Variants in ORC3 observed in about 807,000 individuals in gnomAD.
ORC3 encodes origin recognition complex subunit 3.
ORC3 carries 78 observed loss-of-function variants against 100.7 expected under a neutral mutation model. The observed-to-expected ratio is 0.77, with a 90% CI of 0.65 to 0.94. The LOEUF (loss-of-function observed/expected upper bound fraction) is 0.94, where lower values mean the gene tolerates loss of function less well. Ranked by LOEUF, ORC3 falls within the 40% of genes least tolerant of loss-of-function variation. The pLI, the probability that ORC3 is intolerant of heterozygous loss-of-function variation, is 0.00. For missense variants in ORC3, 789 were observed against 823.9 expected (o/e 0.96, Z 0.52); for synonymous variants, 295 against 289.3 (o/e 1.02, Z -0.20).
Position 87,605,996 on chromosome 6 carries a change from C to A in ORC3, c.402C>A (p.Val134=). The A allele has an allele frequency of 1.3e-6, 2 of 1,592,032 alleles. No individual in the cohort carries two copies. Among genetic ancestry groups the A allele is most frequent in the Non-Finnish European group, 1.7e-6 (2 of 1,163,982 alleles). ...AGAATAATGTCACACCATATGTAGT[C>A]TCATTGCAAGCTAAAGATTGTCCAG... ...ALQNNVTPYV[V]SLQAKDCPDM... is the part of the protein sequence containing the mutation. The change falls in exon 5 of 20, where the codon GTC becomes GTA. Residue 134 remains valine, a synonymous_variant. Coordinates refer to ENST00000392844, the MANE Select transcript of ORC3 (RefSeq NM_012381.4).
chr6:87,643,598 G>A (rs1768456996), intron 13 of ORC3, among the ~76,000 whole-genome samples: 1 of 152,136 alleles, frequency 6.6e-6, no homozygotes, highest in Non-Finnish European at 1.5e-5. Flanking sequence ...CAGAAAAAAA[G>A]ATCTGAATTT....
chr6:87,598,195 T>G (rs1398945389), intron 2 of ORC3, among the ~76,000 whole-genome samples: 2 of 152,002 alleles, frequency 1.3e-5, no homozygotes, highest in Non-Finnish European at 2.9e-5. Context: ...GCTAATTTAT[T>G]TATTTTTTTT....
intron 1 of ORC3, among the ~76,000 whole-genome samples, chr6:87,593,108 C>CA (rs1195461424): frequency 6.6e-6 from 1 of 151,552 alleles, no homozygotes; most frequent in African/African-American, 2.4e-5. Flanking sequence ...AACAAACAAA[C>CA]AAACAAAAAA....
intron 9 of ORC3, among the ~76,000 whole-genome samples, chr6:87,619,429 T>C (rs1398185816): frequency 6.6e-6 from 1 of 152,140 alleles, no homozygotes; most frequent in Non-Finnish European, 1.5e-5. Context: ...CTTTTTGAGA[T>C]AGGGTTTCGC....
chr6:87,628,864 A>G (rs1347121982), intron 11 of ORC3, among the ~76,000 whole-genome samples: 2 of 152,218 alleles, frequency 1.3e-5, no homozygotes, highest in Admixed American at 6.5e-5. Flanking sequence ...TAGAAAAAAT[A>G]ATAAATGGAA....
chr6:87,651,124 C>A, intron 13 of ORC3: 1 of 455,474 alleles, frequency 2.2e-6, no homozygotes, highest in Non-Finnish European at 4.4e-6. Flanking sequence ...AAGTTTGCTT[C>A]CAAAGTTATA....
chr6:87,665,632 A>G (rs996889514), intron 18 of ORC3, 122 bp from the exon 19 acceptor site: 12 of 623,638 alleles, frequency 1.9e-5, no homozygotes, highest in Non-Finnish European at 3.2e-5. Flanking sequence ...AGTTTTGACA[A>G]TCTTAAATTT....
downstream of ORC3, among the ~76,000 whole-genome samples, chr6:87,671,919 A>T (rs1181271088): frequency 6.0e-5 from 9 of 151,076 alleles, no homozygotes. Context: ...TTGCACAACA[A>T]GTTTAACCCG....
At chr6:87,609,054 A>C (rs1778549294) in intron 6 of ORC3, 42 bp from the exon 7 acceptor site, 1 of 1,523,014 alleles carries the variant, frequency 6.6e-7, no homozygotes, top group African/African-American at 1.4e-5. Flanking sequence ...TTTGAGTGGT[A>C]AGGCTTACCT....
chr6:87,655,197 T>A (rs1769578649), intron 14 of ORC3, among the ~76,000 whole-genome samples: 1 of 152,126 alleles, frequency 6.6e-6, no homozygotes, highest in Non-Finnish European at 1.5e-5. Flanking sequence ...ATATCAGATT[T>A]TTTTTGAGAC....
intron 12 of ORC3, among the ~76,000 whole-genome samples, chr6:87,636,168 C>G (rs1043419122): frequency 6.6e-6 from 1 of 151,974 alleles, no homozygotes; most frequent in African/African-American, 2.4e-5. Context: ...TTCTGACCTC[C>G]TGATCCGCCC....
chr6:87,644,899 A>G (rs552478529), intron 13 of ORC3, among the ~76,000 whole-genome samples: 20 of 152,276 alleles, frequency 1.3e-4, no homozygotes, highest in African/African-American at 4.3e-4. Context: ...AACTTACTCA[A>G]GTTGCTTCTA....
intron 6 of ORC3, among the ~76,000 whole-genome samples, 167 bp from the exon 7 acceptor site, chr6:87,608,929 A>C (rs1238481898): frequency 1.3e-5 from 2 of 152,166 alleles, no homozygotes; most frequent in Non-Finnish European, 2.9e-5. Context: ...CCCATGTCAG[A>C]CACAGCAAGA....
intron 14 of ORC3, among the ~76,000 whole-genome samples, chr6:87,655,854 A>G (rs963663197): frequency 4.6e-5 from 7 of 152,306 alleles, no homozygotes; most frequent in East Asian, 1.9e-4. Flanking sequence ...GTAGCAAACT[A>G]CATGTTAATG....
chr6:87,633,692 A>G (rs1767600420), intron 11 of ORC3, among the ~76,000 whole-genome samples: 1 of 152,212 alleles, frequency 6.6e-6, no homozygotes, highest in Admixed American at 6.5e-5. Flanking sequence ...GATATTACTG[A>G]AATAAAGACA....
chr6:87,627,041 A>G (rs1177185617), intron 11 of ORC3, among the ~76,000 whole-genome samples: 1 of 151,658 alleles, frequency 6.6e-6, no homozygotes, highest in Non-Finnish European at 1.5e-5. Context: ...CTTGTTGCCC[A>G]GGGTGGAGTG....
At chr6:87,652,426 A>G (rs564683052) in intron 13 of ORC3, among the ~76,000 whole-genome samples, 3 of 152,328 alleles carry the variant, frequency 2.0e-5, no homozygotes, top group South Asian at 4.1e-4. Flanking sequence ...GATTTCTTCT[A>G]TAGCTGTGAA....
At chr6:87,633,891 C>T (rs1275832935) in intron 11 of ORC3, among the ~76,000 whole-genome samples, 2 of 152,028 alleles carry the variant, frequency 1.3e-5, no homozygotes, top group Non-Finnish European at 2.9e-5. Flanking sequence ...CTCTAGAAAA[C>T]CTCTCTCTCC....
At chr6:87,594,998 G>A (rs985622745) in intron 2 of ORC3, among the ~76,000 whole-genome samples, 1 of 152,152 alleles carries the variant, frequency 6.6e-6, no homozygotes, top group African/African-American at 2.4e-5. Context: ...TCCATTTTAT[G>A]AATAAACTTG....
Sources: allele counts gnomAD v4.1 joint callset (sites outside exome capture counted in the v4.1 genomes callset), GRCh38; gene constraint gnomAD v4.1.1; transcripts MANE v1.5; gene names NCBI Gene and HGNC (gene_info 2026-07-23, HGNC 2026-07-21).